Variants in SIK3 observed in about 807,000 individuals in gnomAD.
SIK3 encodes serine/threonine-protein kinase SIK3.
A neutral mutation model predicts 144.2 loss-of-function variants in SIK3; 28 were observed. The ratio of observed to expected loss-of-function variants is 0.19; its 90% CI spans 0.14 to 0.27. SIK3 has a LOEUF of 0.27. Ranked by LOEUF, SIK3 falls within the 10% of genes least tolerant of loss-of-function variation. The pLI is 1.00. For synonymous variants in SIK3, 686 were observed against 676.3 expected (o/e 1.01, Z -0.22); for missense variants, 1,319 against 1,776.0 (o/e 0.74, Z 4.62).
intron 4 of SIK3, among the ~76,000 whole-genome samples, chr11:116,918,026 CTT>C (rs1182002838): frequency 6.6e-6 from 1 of 152,072 alleles, no homozygotes; most frequent in Non-Finnish European, 1.5e-5. Flanking sequence ...TAAGATGAAA[CTT>C]TGGCTTTTAA....
intron 17 of SIK3, 22 bp from the exon 18 acceptor site, chr11:116,861,948 G>GA (rs1267442731): frequency 1.3e-6 from 2 of 1,543,782 alleles, no homozygotes; most frequent in East Asian, 2.3e-5. Context: ...ATGGGGAAAG[G>GA]AAAAAAATTA....
intron 1 of SIK3, among the ~76,000 whole-genome samples, chr11:117,033,460 G>A (rs142693807): frequency 0.014 from 2,088 of 152,256 alleles, 44 homozygotes; most frequent in East Asian, 0.081. Flanking sequence ...CCAGCACTTT[G>A]GGAGGCCAAG....
At chr11:116,926,394 G>A (rs1407473913) in intron 4 of SIK3, among the ~76,000 whole-genome samples, 1 of 152,198 alleles carries the variant, frequency 6.6e-6, no homozygotes, top group African/African-American at 2.4e-5. Context: ...GATCAAGGCA[G>A]TGAAAAGTGC....
intron 1 of SIK3, among the ~76,000 whole-genome samples, chr11:117,084,938 GGC>G (rs1486344430): frequency 6.6e-6 from 1 of 151,722 alleles, no homozygotes; most frequent in East Asian, 1.9e-4. Context: ...CTCCAACTAG[GGC>G]ACACAAAGAA....
At chr11:117,015,650 C>T (rs939791996) in intron 1 of SIK3, among the ~76,000 whole-genome samples, 5 of 152,096 alleles carry the variant, frequency 3.3e-5, no homozygotes, top group Admixed American at 3.3e-4. Context: ...TCTCAGCTCA[C>T]TGCAACCTCC....
At chr11:117,036,358 T>C (rs1048517715) in intron 1 of SIK3, among the ~76,000 whole-genome samples, 1 of 152,220 alleles carries the variant, frequency 6.6e-6, no homozygotes, top group South Asian at 2.1e-4. Flanking sequence ...AGACCCATTC[T>C]GACTACCTAA....
chr11:116,861,933 C>T lies in SIK3; in HGVS notation c.2230-7G>A. On this transcript the variant is annotated splice_polypyrimidine_tract_variant and splice_region_variant and intron_variant, in intron 17 of 24. Coordinates refer to ENST00000445177, the MANE Select transcript of SIK3 (RefSeq NM_001366686.3). ...GAGGAGGACAGATAGAGTCCTAAAACATATATGGGGAAAGGAAAAAAATTA... is the reference window on the plus strand; with the variant it reads ...GAGGAGGACAGATAGAGTCCTAAAATATATATGGGGAAAGGAAAAAAATTA... 1 of 1,598,074 alleles carries T rather than the reference C, an allele frequency of 6.3e-7. No individual in the cohort carries two copies. Among genetic ancestry groups the T allele is most frequent in the Non-Finnish European group, 8.5e-7 (1 of 1,170,344 alleles).
chr11:116,905,540 A>G (rs185853391), intron 4 of SIK3, among the ~76,000 whole-genome samples: 25 of 152,306 alleles, frequency 1.6e-4, no homozygotes, highest in African/African-American at 4.3e-4. Context: ...TGCTATCCAA[A>G]GTGGCCGTAC....
At chr11:116,915,124 ATGTGTGTGTGTGTG>A (rs35059138) in intron 4 of SIK3, among the ~76,000 whole-genome samples, 4 of 129,926 alleles carry the variant, frequency 3.1e-5, no homozygotes, top group Non-Finnish European at 4.9e-5. Flanking sequence ...GAAGCCATAT[ATGTGTGTGTGTGTG>A]TGTGTGTGTG....
At chr11:116,989,589 G>GT (rs771649099) in intron 1 of SIK3, among the ~76,000 whole-genome samples, 4,409 of 147,080 alleles carry the variant, frequency 0.03, 87 homozygotes, top group Non-Finnish European at 0.046. Flanking sequence ...GGCAACCCAA[G>GT]TTTTTTTTTT....
intron 14 of SIK3, chr11:116,869,282 A>T (rs1221574758): frequency 6.6e-6 from 1 of 152,192 alleles, no homozygotes; most frequent in African/African-American, 2.4e-5. Context: ...TTCTTTCCAC[A>T]TAGGACCAGC....
intron 4 of SIK3, among the ~76,000 whole-genome samples, chr11:116,912,298 A>AT (rs1410495729): frequency 1.6e-4 from 24 of 152,332 alleles, no homozygotes; most frequent in African/African-American, 5.3e-4. Context: ...TAAGGTAGTG[A>AT]TAACTGATAT....
In SIK3 at chr11:117,098,128, C is replaced by T. The variant is rs556823480; in HGVS notation, c.273+15G>A. 5 of 1,468,892 alleles carry T rather than the reference C, an allele frequency of 3.4e-6. No individual in the cohort carries two copies. The highest frequency in any genetic ancestry group is 2.9e-5 in the African/African-American group (2 of 67,924). The allele number at this position is 1,468,892 out of a possible 1,614,324, so 91.0% of individuals were successfully genotyped here. A position where few individuals can be genotyped will look rare whatever the true frequency, so the allele number is the denominator to read the frequency against. On this transcript the variant is annotated intron_variant, in intron 1 of 24. Coordinates refer to ENST00000445177, the MANE Select transcript of SIK3 (RefSeq NM_001366686.3). ...CCGCCACGCTCCGACTGCCGCCTGG[C>T]CCCTGCGCCGGTACCTTGGCCTTGG...
At chr11:116,979,986 T>C (rs1241585845) in intron 1 of SIK3, among the ~76,000 whole-genome samples, 1 of 152,228 alleles carries the variant, frequency 6.6e-6, no homozygotes, top group Non-Finnish European at 1.5e-5. Context: ...ATGTTCCATC[T>C]CTTCTTTCTC....
chr11:116,974,999 T>A (rs1193540390), intron 1 of SIK3, among the ~76,000 whole-genome samples: 1 of 152,170 alleles, frequency 6.6e-6, no homozygotes, highest in Non-Finnish European at 1.5e-5. Context: ...CTAATTCTTT[T>A]AAATTTGTTT....
intron 1 of SIK3, among the ~76,000 whole-genome samples, chr11:116,970,941 C>A: frequency 6.6e-6 from 1 of 152,164 alleles, no homozygotes; most frequent in East Asian, 1.9e-4. Context: ...GTCACCACAC[C>A]CAGCCCTAAG....
At chr11:116,980,072 A>C (rs999606841) in intron 1 of SIK3, among the ~76,000 whole-genome samples, 1 of 152,024 alleles carries the variant, frequency 6.6e-6, no homozygotes, top group Non-Finnish European at 1.5e-5. Context: ...TCCTCTTTCC[A>C]CTGTATTTTT....
chr11:117,077,158 TA>T (rs1300706437), intron 1 of SIK3, among the ~76,000 whole-genome samples: 2 of 152,120 alleles, frequency 1.3e-5, no homozygotes, highest in African/African-American at 4.8e-5. Flanking sequence ...ACCCTGTCTC[TA>T]AACAAAACCA....
At position 116,935,739 on chromosome 11, in the gene SIK3, C is replaced by T. The variant is rs115458494; in HGVS notation, c.455-8359G>A. The stretch of plus-strand genomic sequence containing the variant: ...TGCATGCTCCAAGTCAACAGAGGTA[C>T]CTTTCGATTTGTTAAAATATTGACT... On this transcript the variant is annotated intron_variant, in intron 3 of 24. Transcript: ENST00000445177. 6.9e-3 allele frequency among the ~76,000 whole-genome samples: 1,057 copies of T among 152,262 alleles called. 12 individuals are homozygous for T. The highest frequency in any genetic ancestry group is 0.024 in the African/African-American group (982 of 41,556).
Sources: allele counts gnomAD v4.1 joint callset (sites outside exome capture counted in the v4.1 genomes callset), GRCh38; gene constraint gnomAD v4.1.1; transcripts MANE v1.5; gene names NCBI Gene and HGNC (gene_info 2026-07-23, HGNC 2026-07-21).